The following ITPRID1 variants were observed in gnomAD, a reference collection of about 807,000 sequenced individuals.
ITPRID1 encodes the protein ITPR interacting domain containing 1, also known as protein ITPRID1.
A neutral mutation model predicts 95.4 loss-of-function variants in ITPRID1; 96 were observed. The ratio of observed to expected loss-of-function variants is 1.01; its 90% confidence interval spans 0.85 to 1.19. The LOEUF is 1.19. Ranked by LOEUF, ITPRID1 falls within the 50% of genes most tolerant of loss-of-function variation. ITPRID1 has a pLI of 0.00. For missense variants in ITPRID1, 1,339 were observed against 1,252.9 expected, an observed-to-expected ratio of 1.07 and a Z score of -1.04; for synonymous variants, 510 against 453.6, an observed-to-expected ratio of 1.12 and a Z score of -1.58.
intron 1 of ITPRID1, among the ~76,000 whole-genome samples, chr7:31,531,569 T>C (rs1783597914): frequency 6.6e-6 from 1 of 152,116 alleles, no homozygotes; most frequent in Admixed American, 6.5e-5. Context: ...TGAGACACAA[T>C]GAAGCTGCGA....
chr7:31,598,504 G>T (rs543315307), intron 10 of ITPRID1, among the ~76,000 whole-genome samples: 1 of 148,660 alleles, frequency 6.7e-6, no homozygotes, highest in Non-Finnish European at 1.5e-5. Context: ...CCCGGGTTCA[G>T]GCCATTCTCC....
Position 31,574,728 on chromosome 7 carries a change from A to G in ITPRID1, c.584A>G (p.Asn195Ser). 1 of 1,613,710 alleles carries G rather than the reference A, an allele frequency of 6.2e-7. No homozygotes were observed. ...CAAAAGCAGCGAATGGACATTGAGA[A>G]CCCCAACTTGTACGGTAAGCGAGGT... is the stretch of plus-strand genomic sequence containing the variant. ...EAQKQRMDIE[N>S]PNLYGRFRQL... The change falls in exon 8 of 15, where the codon AAC becomes AGC. Residue 195 changes from asparagine to serine, a missense_variant. Asn to Ser is a conservative substitution (Grantham distance 46). Coordinates refer to ENST00000615280, the MANE Select transcript of ITPRID1 (RefSeq NM_001257967.3).
intron 6 of ITPRID1, 90 bp downstream of exon 6, chr7:31,569,899 T>C (rs1784926277): frequency 2.9e-6 from 3 of 1,040,508 alleles, no homozygotes; most frequent in South Asian, 1.6e-5. Context: ...TTTCTTAATA[T>C]TGCCATAGCT....
At chr7:31,599,689 TC>T (rs1786299606) in intron 10 of ITPRID1, among the ~76,000 whole-genome samples, 4 of 147,990 alleles carry the variant, frequency 2.7e-5, no homozygotes, top group African/African-American at 7.6e-5. Flanking sequence ...TCTCTCTCTC[TC>T]TCTTTCTTTC....
In ITPRID1 at chr7:31,578,436, T is replaced by A; in HGVS notation, c.1170+2T>A. The A allele has an allele frequency of 6.3e-7, 1 of 1,595,792 alleles. No individual in the cohort carries two copies. The highest frequency in any genetic ancestry group is 8.5e-7 in the Non-Finnish European group (1 of 1,170,766). On this transcript the variant is annotated splice_donor_variant, in intron 9 of 14. Coordinates refer to ENST00000615280, the MANE Select transcript of ITPRID1 (RefSeq NM_001257967.3). LOFTEE classifies it high-confidence loss of function. ...CCAGACTCATTTGAAATGGAAGAGG[T>A]CAGTGCTGCACCAACGTACCAGCCT...
intron 4 of ITPRID1, 94 bp from the exon 5 acceptor site, chr7:31,554,764 T>C: frequency 8.8e-7 from 1 of 1,136,786 alleles, no homozygotes; most frequent in Admixed American, 2.1e-5. Context: ...AAAACCTAAC[T>C]CTGCATTTGC....
chr7:31,519,608 C>CTATA (rs1783157413), intron 1 of ITPRID1, among the ~76,000 whole-genome samples: 3 of 54,696 alleles, frequency 5.5e-5, no homozygotes, highest in East Asian at 1.0e-3. Flanking sequence ...CTCTCTCTCT[C>CTATA]TCTCTCTCTC....
At chr7:31,563,075 C>T (rs1406646485) in intron 5 of ITPRID1, among the ~76,000 whole-genome samples, 1 of 152,034 alleles carries the variant, frequency 6.6e-6, no homozygotes. Flanking sequence ...AGTTAGTCGA[C>T]AAAAGGAGCT....
At position 31,555,147 on chromosome 7, in the gene ITPRID1, AG is replaced by A. The variant is rs1225070023; in HGVS notation, c.256+247del. 2.8e-5 allele frequency: 11 copies of A among 394,674 alleles called. No individual in the cohort carries two copies. The East Asian group carries it at 4.4e-4, about 16-fold the overall frequency. 24.4% of individuals were successfully genotyped at this position (394,674 alleles called of 1,614,324 possible). A position where few individuals can be genotyped will look rare whatever the true frequency, so the allele number is the denominator to read the frequency against. Reference sequence around the variant, plus strand: ...CCATATCATCAATGGCTCAGAGTATAGCATAAACTCACTGGGTTCTATGAAG... The same window carrying A: ...CCATATCATCAATGGCTCAGAGTATACATAAACTCACTGGGTTCTATGAAG... On this transcript the variant is annotated intron_variant, in intron 5 of 14. Transcript: ENST00000615280.
intron 1 of ITPRID1, among the ~76,000 whole-genome samples, chr7:31,519,620 C>CTCTCTCTCTCTCATATATATATATA: frequency 4.0e-5 from 1 of 25,254 alleles, no homozygotes; most frequent in Non-Finnish European, 7.3e-5. Flanking sequence ...CTCTCTCTCT[C>CTCTCTCTCTCTCATATATATATATA]TATATATATA....
At chr7:31,648,154 A>G (rs377469302) in intron 12 of ITPRID1, among the ~76,000 whole-genome samples, 3 of 152,202 alleles carry the variant, frequency 2.0e-5, no homozygotes, top group African/African-American at 7.2e-5. Flanking sequence ...TTTAGAGAAA[A>G]GTAAAAGTAC....
At chr7:31,525,460 A>T (rs1783394718) in intron 1 of ITPRID1, among the ~76,000 whole-genome samples, 1 of 152,210 alleles carries the variant, frequency 6.6e-6, no homozygotes, top group African/African-American at 2.4e-5. Context: ...CCTTGGGGAA[A>T]AATCAGTGCT....
At chr7:31,523,620 T>C (rs2051006335) in intron 1 of ITPRID1, among the ~76,000 whole-genome samples, 1 of 152,216 alleles carries the variant, frequency 6.6e-6, no homozygotes, top group South Asian at 2.1e-4. Context: ...GTCCTCATAA[T>C]AGTGAGTGAA....
At chr7:31,592,304 TACTC>T (rs1785900203) in intron 10 of ITPRID1, among the ~76,000 whole-genome samples, 1 of 152,206 alleles carries the variant, frequency 6.6e-6, no homozygotes, top group African/African-American at 2.4e-5. Flanking sequence ...TTTAACAAAT[TACTC>T]AATCTCTATG....
At chr7:31,526,877 C>G (rs1183444471) in intron 1 of ITPRID1, among the ~76,000 whole-genome samples, 4 of 152,104 alleles carry the variant, frequency 2.6e-5, no homozygotes, top group African/African-American at 7.2e-5. Flanking sequence ...ATTCCATTCT[C>G]CATATTGAAG....
rs926257681 is a variant in ITPRID1, at chr7:31,537,917, A to G, written c.-97-11509A>G. 2.1e-4 allele frequency among the ~76,000 whole-genome samples: 32 copies of G among 152,162 alleles called. 1 individual carries two copies. Among genetic ancestry groups the G allele is most frequent in the Admixed American group, 2.0e-3 (30 of 15,250 alleles). Reference sequence around the variant, plus strand: ...TCTGTGACATTTTTTCTGTAACAAAATATTCCAGACATCTGGGACAAATCA... The same window carrying G: ...TCTGTGACATTTTTTCTGTAACAAAGTATTCCAGACATCTGGGACAAATCA... On this transcript the variant is annotated intron_variant, in intron 1 of 14. Transcript: ENST00000615280.
chr7:31,649,818 G>C (rs1177528361), intron 12 of ITPRID1, among the ~76,000 whole-genome samples: 1 of 152,162 alleles, frequency 6.6e-6, no homozygotes, highest in African/African-American at 2.4e-5. Context: ...TGGGCTTGGA[G>C]GTGCCAAAGG....
At chr7:31,624,609 A>T (rs1251802018) in intron 10 of ITPRID1, among the ~76,000 whole-genome samples, 2 of 148,248 alleles carry the variant, frequency 1.3e-5, no homozygotes, top group Non-Finnish European at 3.0e-5. Flanking sequence ...TACACCTTAT[A>T]CAAAGATCAA....
chr7:31,586,279 G>A (rs1785602190), intron 10 of ITPRID1, among the ~76,000 whole-genome samples: 1 of 141,502 alleles, frequency 7.1e-6, no homozygotes, highest in Non-Finnish European at 1.5e-5. Context: ...TTGCTATTGT[G>A]AATAATGCCG....
Sources: allele counts gnomAD v4.1 joint callset (sites outside exome capture counted in the v4.1 genomes callset), GRCh38; gene constraint gnomAD v4.1.1; transcripts MANE v1.5; gene names NCBI Gene and HGNC (gene_info 2026-07-23, HGNC 2026-07-21).